Variants in ESYT2 observed in about 807,000 individuals in gnomAD.
ESYT2 encodes extended synaptotagmin 2, also known as extended synaptotagmin-2.
Under a neutral mutation model 107.2 loss-of-function variants are expected in ESYT2, and 54 were observed. The observed-to-expected ratio is 0.50, with a 90% CI of 0.40 to 0.63. The LOEUF is 0.63. Ranked by LOEUF, ESYT2 falls within the 30% of genes least tolerant of loss-of-function variation. The pLI is 0.00. For synonymous variants in ESYT2, 491 were observed against 434.1 expected (o/e 1.13, Z -1.63); for missense variants, 1,020 against 1,094.5 (o/e 0.93, Z 0.96).
rs146178518 is a variant in ESYT2, at chr7:158,804,845, A to G, written c.331-5773T>C. Among the ~76,000 whole-genome samples, 16 of 152,354 alleles carry G rather than the reference A, an allele frequency of 1.1e-4. 1 individual carries two copies. The East Asian group carries it at 3.1e-3, about 29-fold the overall frequency. ...GCTGCCGAGAAGGGTGAGGTGCATG[A>G]AAAACCCAAGGCCTCATTCAGTGCT... On this transcript the variant is annotated intron_variant, in intron 1 of 22. Transcript: ENST00000275418.
chr7:158,769,187 T>C (rs1838268560), intron 7 of ESYT2, among the ~76,000 whole-genome samples: 1 of 152,172 alleles, frequency 6.6e-6, no homozygotes, highest in Admixed American at 6.5e-5. Context: ...GACTTTTCAG[T>C]TTAATATGGG....
intron 20 of ESYT2, among the ~76,000 whole-genome samples, chr7:158,736,143 T>C (rs1836939090): frequency 6.7e-6 from 1 of 149,628 alleles, no homozygotes; most frequent in Non-Finnish European, 1.5e-5. Context: ...TGCGGGTGCC[T>C]GCCCCAGGCC....
chr7:158,737,217 C>T (rs972122996), intron 19 of ESYT2, 38 bp from the exon 20 acceptor site: 6 of 1,591,954 alleles, frequency 3.8e-6, no homozygotes, highest in Admixed American at 1.7e-5. Context: ...GTATTAGGAC[C>T]GAGAAAAAGA....
chr7:158,782,164 AAC>A (rs1318156757), intron 6 of ESYT2, among the ~76,000 whole-genome samples: 8 of 151,802 alleles, frequency 5.3e-5, no homozygotes, highest in Non-Finnish European at 1.2e-4. Context: ...TGAGTGTGAG[AAC>A]AGTGAGGTGT....
At chr7:158,769,002 T>C (rs914686412) in intron 7 of ESYT2, among the ~76,000 whole-genome samples, 1 of 152,236 alleles carries the variant, frequency 6.6e-6, no homozygotes, top group Non-Finnish European at 1.5e-5. Flanking sequence ...TTTACCTGAA[T>C]TGTGAAGTTG....
At chr7:158,805,415 T>C (rs139108722) in intron 1 of ESYT2, among the ~76,000 whole-genome samples, 1,722 of 152,294 alleles carry the variant, frequency 0.011, 27 homozygotes, top group African/African-American at 0.039. Flanking sequence ...GTTAAAAAGG[T>C]AGAGAGGAAT....
At position 158,796,113 on chromosome 7, in the gene ESYT2, G is replaced by T. The variant is rs76082038; in HGVS notation, c.507+1829C>A. 4.6e-5 allele frequency among the ~76,000 whole-genome samples: 7 copies of T among 152,190 alleles called. No individual in the cohort carries two copies. The East Asian group carries it at 1.2e-3, about 25-fold the overall frequency. ...GCCACATCTATCACAACCCTGAACC[G>T]CACTGCACGGGGATGTCTGTTTGCT... is the stretch of plus-strand genomic sequence containing the variant. On this transcript the variant is annotated intron_variant, in intron 3 of 22. Coordinates refer to ENST00000275418, the MANE Select transcript of ESYT2 (RefSeq NM_001367773.1).
At chr7:158,808,257 G>A (rs115822590) in intron 1 of ESYT2, among the ~76,000 whole-genome samples, 1,608 of 152,346 alleles carry the variant, frequency 0.011, 36 homozygotes, top group African/African-American at 0.037. Flanking sequence ...TAAACCGCAT[G>A]CTGTTCTGAG....
chr7:158,822,196 GA>G (rs777805158), intron 1 of ESYT2, among the ~76,000 whole-genome samples: 5 of 152,128 alleles, frequency 3.3e-5, no homozygotes, highest in Non-Finnish European at 5.9e-5. Flanking sequence ...CAAAATGCAA[GA>G]GACGACAAAA....
chr7:158,778,870 C>T (rs940841671), intron 6 of ESYT2, among the ~76,000 whole-genome samples: 10 of 151,170 alleles, frequency 6.6e-5, no homozygotes, highest in African/African-American at 2.2e-4. Flanking sequence ...TTAACATGCT[C>T]CCAAGAAAAG....
At chr7:158,811,847 T>C (rs1015984773) in intron 1 of ESYT2, among the ~76,000 whole-genome samples, 4 of 152,202 alleles carry the variant, frequency 2.6e-5, no homozygotes, top group African/African-American at 9.6e-5. Context: ...CCAAGATCCC[T>C]GAAAGAGGAA....
At chr7:158,761,199 C>A in intron 11 of ESYT2, among the ~76,000 whole-genome samples, 1 of 152,334 alleles carries the variant, frequency 6.6e-6, no homozygotes. Context: ...TGCCCTTACT[C>A]CTGCAGGGGA....
In ESYT2 at chr7:158,816,243, G is replaced by A. The variant is rs568932780; in HGVS notation, c.330+12846C>T. On this transcript the variant is annotated intron_variant, in intron 1 of 22. Coordinates refer to ENST00000275418, the MANE Select transcript of ESYT2 (RefSeq NM_001367773.1). ...TACAGGCCTGTAGTCCCAGATACTC[G>A]AGAGGCTGAAGTGGAAGGGTTGCTT... 6.4e-4 allele frequency among the ~76,000 whole-genome samples: 97 copies of A among 152,242 alleles called. 1 individual carries two copies. The highest frequency in any genetic ancestry group is 2.2e-3 in the African/African-American group (91 of 41,552).
chr7:158,815,472 C>T (rs762807685), intron 1 of ESYT2, among the ~76,000 whole-genome samples: 5 of 152,186 alleles, frequency 3.3e-5, no homozygotes, highest in Non-Finnish European at 5.9e-5. Flanking sequence ...CAGGCACACT[C>T]CTTCCCCCTC....
chr7:158,824,078 T>C (rs1840368240), intron 1 of ESYT2, among the ~76,000 whole-genome samples: 2 of 152,214 alleles, frequency 1.3e-5, no homozygotes, highest in South Asian at 4.1e-4. Flanking sequence ...AAAAACCTGA[T>C]ATTTACTGCT....
In ESYT2 at chr7:158,738,344, GACACACACAC is replaced by G. The variant is rs199580275; in HGVS notation, c.2267+669_2267+678del. On this transcript the variant is annotated intron_variant, in intron 19 of 22. Transcript: ENST00000275418. Reference sequence around the variant, plus strand: ...AAAAAAAAATACACACACACACACAGACACACACACACACACACACACACACACACACACT... The same window carrying G: ...AAAAAAAAATACACACACACACACAGACACACACACACACACACACACACT... Among the ~76,000 whole-genome samples, 116 of 131,326 alleles carry G rather than the reference GACACACACAC, an allele frequency of 8.8e-4. 3 individuals carry two copies. The highest frequency in any genetic ancestry group is 1.8e-3 in the African/African-American group (59 of 33,144). The allele number at this position is 131,326 out of a possible 152,430, so 86.2% of individuals were successfully genotyped here.
chr7:158,782,614 AATG>A (rs1838944848), intron 6 of ESYT2, among the ~76,000 whole-genome samples: 2 of 150,394 alleles, frequency 1.3e-5, no homozygotes, highest in African/African-American at 4.9e-5. Flanking sequence ...GCGTGTGACA[AATG>A]AGAACATGTG....
At chr7:158,741,954 C>G in intron 17 of ESYT2, 58 bp from the exon 18 acceptor site, 4 of 1,491,630 alleles carry the variant, frequency 2.7e-6, no homozygotes, top group Non-Finnish European at 3.6e-6. Context: ...CATCCTAATA[C>G]TGGAACAGCC....
At position 158,734,185 on chromosome 7, in the gene ESYT2, G is replaced by T. The variant is rs774975581; in HGVS notation, c.*22C>A. ...TAGAGGTGGAGAGCTACGCTGAAGA[G>T]GACGCCTCCTGCCTGCTGCGGCTAT... On this transcript the variant is annotated 3_prime_UTR_variant, in exon 23 of 23. Coordinates refer to ENST00000275418, the MANE Select transcript of ESYT2 (RefSeq NM_001367773.1). 6.2e-7 allele frequency: 1 copy of T among 1,613,984 alleles called. No individual in the cohort carries two copies. Among genetic ancestry groups the T allele is most frequent in the South Asian group, 1.1e-5 (1 of 91,062 alleles).
Sources: allele counts gnomAD v4.1 joint callset (sites outside exome capture counted in the v4.1 genomes callset), GRCh38; gene constraint gnomAD v4.1.1; transcripts MANE v1.5; gene names NCBI Gene and HGNC (gene_info 2026-07-23, HGNC 2026-07-21).